Variants in NFKBIE observed in about 807,000 individuals in gnomAD.
The protein encoded by NFKBIE is NFKB inhibitor epsilon.
In NFKBIE, 11 loss-of-function variants were observed where a neutral mutation model predicts 31.6. That is an observed-to-expected ratio of 0.35 (90% CI 0.22 to 0.58). The LOEUF (loss-of-function observed/expected upper bound fraction) is 0.58. Among genes scored for constraint, NFKBIE ranks in the 20% least tolerant of loss-of-function variants. NFKBIE has a pLI of 0.83. For synonymous variants in NFKBIE, 208 were observed against 210.1 expected (o/e 0.99, Z 0.09); for missense variants, 354 against 465.7 (o/e 0.76, Z 2.21).
intron 5 of NFKBIE, 116 bp downstream of exon 5, chr6:44,259,927 G>T: frequency 7.0e-7 from 1 of 1,422,058 alleles, no homozygotes; most frequent in Non-Finnish European, 9.4e-7. Context: ...TTGGTCAGTG[G>T]CAGAGTCCTG....
At chr6:44,259,606 C>T (rs1781820854) in intron 5 of NFKBIE, among the ~76,000 whole-genome samples, 1 of 151,968 alleles carries the variant, frequency 6.6e-6, no homozygotes, top group Non-Finnish European at 1.5e-5. Flanking sequence ...GCTGGGTACT[C>T]GCAGAACATT....
At position 44,260,860 on chromosome 6, in the gene NFKBIE, GACAC is replaced by G. The variant is rs71547856; in HGVS notation, c.692-325_692-322del. ...ACACACACACACACACACACATACA[GACAC>G]ACACACACACACACACACACACACA... On this transcript the variant is annotated intron_variant, in intron 3 of 5. Coordinates refer to ENST00000619360, the MANE Select transcript of NFKBIE (RefSeq NM_004556.3). This position sits in a 1 kb window ranked among gnomAD's most constrained non-coding sequence, Gnocchi z 5.5. Among the ~76,000 whole-genome samples, 22,706 of 135,048 alleles carry G rather than the reference GACAC, an allele frequency of 0.17. 4,174 individuals are homozygous for G. Among genetic ancestry groups the G allele is most frequent in the African/African-American group, 0.46 (16,075 of 34,742 alleles). 88.6% of individuals were successfully genotyped at this position (135,048 alleles called of 152,430 possible). A position where few individuals can be genotyped will look rare whatever the true frequency, so the allele number is the denominator to read the frequency against.
Position 44,265,377 on chromosome 6 carries a change from C to T in NFKBIE, c.-31G>A. On this transcript the variant is annotated 5_prime_UTR_variant, in exon 1 of 6. Transcript: ENST00000619360. ...CGGCTCTGGCCGGCCGGGGCCCGGTCTGAGCAGGATCCGGCTCCAGGCTCC... is the reference window on the plus strand; with the variant it reads ...CGGCTCTGGCCGGCCGGGGCCCGGTTTGAGCAGGATCCGGCTCCAGGCTCC... 2 of 1,565,508 alleles carry T rather than the reference C, an allele frequency of 1.3e-6. No individual in the cohort carries two copies. Among genetic ancestry groups the T allele is most frequent in the Non-Finnish European group, 1.7e-6 (2 of 1,162,494 alleles).
rs768266876 is a variant in NFKBIE, at chr6:44,260,169, C to G, written c.894G>C (p.Gly298=). 1.2e-6 allele frequency: 2 copies of G among 1,614,070 alleles called. No homozygotes were observed. The highest frequency in any genetic ancestry group is 2.7e-5 in the African/African-American group (2 of 74,926). Residue 298 remains glycine, a synonymous_variant, in exon 5 of 6, where the codon GGG becomes GGC. Transcript: ENST00000619360. This position sits in a 1 kb window ranked among gnomAD's most constrained non-coding sequence, Gnocchi z 5.5. ...GAQVDARMLN[G]CTPLHLAAGR... ...CAGCTGCCAGGTGCAGGGGTGTGCACCCGTTCAGCATGCGGGCATCTACCT... is the reference window on the plus strand; with the variant it reads ...CAGCTGCCAGGTGCAGGGGTGTGCAGCCGTTCAGCATGCGGGCATCTACCT...
intron 1 of NFKBIE, 29 bp downstream of exon 1, chr6:44,264,953 T>A: frequency 1.3e-6 from 2 of 1,547,358 alleles, no homozygotes; most frequent in South Asian, 1.2e-5. Flanking sequence ...AGAGTTAGCA[T>A]CCCGATTCAG....
At position 44,260,866 on chromosome 6, in the gene NFKBIE, C is replaced by CACACACACAG. The variant is rs1583008613; in HGVS notation, c.692-328_692-327insCTGTGTGTGT. Among the ~76,000 whole-genome samples, 102 of 142,956 alleles carry CACACACACAG rather than the reference C, an allele frequency of 7.1e-4. No individual in the cohort carries two copies. The highest frequency in any genetic ancestry group is 3.9e-3 in the South Asian group (17 of 4,382). 93.8% of individuals were successfully genotyped at this position (142,956 alleles called of 152,430 possible). ...ACACACACACACACATACAGACACA[C>CACACACACAG]ACACACACACACACACACACACACA... is the stretch of plus-strand genomic sequence containing the variant. On this transcript the variant is annotated intron_variant, in intron 3 of 5. Coordinates refer to ENST00000619360, the MANE Select transcript of NFKBIE (RefSeq NM_004556.3). The surrounding 1 kb of genome is among the most constrained non-coding windows in gnomAD (Gnocchi z 5.5).
chr6:44,259,713 G>T (rs1781825025), intron 5 of NFKBIE, among the ~76,000 whole-genome samples: 1 of 152,116 alleles, frequency 6.6e-6, no homozygotes, highest in Non-Finnish European at 1.5e-5. Context: ...AGGAAAAACT[G>T]GGCCTACACT....
rs747505456 is a variant in NFKBIE, at chr6:44,261,897, C to A, written c.469-49G>T. On this transcript the variant is annotated intron_variant, in intron 2 of 5. Coordinates refer to ENST00000619360, the MANE Select transcript of NFKBIE (RefSeq NM_004556.3). This position sits in a 1 kb window ranked among gnomAD's most constrained non-coding sequence, Gnocchi z 4.3. ...TGGGGCCACTGCAGCATGCTCCCAC[C>A]TCTGGGAACATGCTTGGGCTCAAGA... 4 of 1,503,116 alleles carry A rather than the reference C, an allele frequency of 2.7e-6. No homozygotes were observed. The African/African-American group carries it at 5.5e-5, about 21-fold the overall frequency. 93.1% of individuals were successfully genotyped at this position (1,503,116 alleles called of 1,614,324 possible). A position where few individuals can be genotyped will look rare whatever the true frequency, so the allele number is the denominator to read the frequency against.
rs960327955 is a variant in NFKBIE, at chr6:44,263,876, A to G, written c.365+1106T>C. On this transcript the variant is annotated intron_variant, in intron 1 of 5. Transcript: ENST00000619360. The surrounding 1 kb of genome is among the most constrained non-coding windows in gnomAD (Gnocchi z 5.0). The stretch of plus-strand genomic sequence containing the variant: ...AGGCTAACAAAAGACGGCAATGTCA[A>G]AAGTCCCCTCTCCTTGGATCAAAGG... 6.6e-6 allele frequency among the ~76,000 whole-genome samples: 1 copy of G among 152,184 alleles called. No homozygotes were observed. The highest frequency in any genetic ancestry group is 2.1e-4 in the South Asian group (1 of 4,830).
intron 5 of NFKBIE, among the ~76,000 whole-genome samples, chr6:44,259,832 T>C (rs1017385278): frequency 3.5e-4 from 54 of 152,236 alleles, no homozygotes; most frequent in East Asian, 1.2e-3. Flanking sequence ...CCAACTTCAC[T>C]GATTCACTTT....
In NFKBIE at chr6:44,260,131, A is replaced by C; in HGVS notation, c.932T>G (p.Met311Arg). ...CTTGCACAGAGTGGATGAGATGCCC[A>C]TGAGACCCCGGCCAGCTGCCAGGTG... ...PLHLAAGRGLMGISSTLCKAG... is the reference protein window; with the variant it reads ...PLHLAAGRGLRGISSTLCKAG... Residue 311 changes from methionine to arginine, a missense_variant, in exon 5 of 6, where the codon ATG becomes AGG. This residue lies in a region of NFKBIE where 183 missense variants were observed against 310.6 expected (regional missense o/e 0.59). Coordinates refer to ENST00000619360, the MANE Select transcript of NFKBIE (RefSeq NM_004556.3). This position sits in a 1 kb window ranked among gnomAD's most constrained non-coding sequence, Gnocchi z 5.5. 6.2e-7 allele frequency: 1 copy of C among 1,614,240 alleles called. No homozygotes were observed. The highest frequency in any genetic ancestry group is 1.3e-5 in the African/African-American group (1 of 75,078).
At position 44,265,233 on chromosome 6, in the gene NFKBIE, G is replaced by A. The variant is rs1782080913; in HGVS notation, c.114C>T (p.Ser38=). ...GCTGGGGGCTGCCGTCCGAGGGCCCGGAGGCTGGAGCCGAGGTGGACTCGG... is the reference window on the plus strand; with the variant it reads ...GCTGGGGGCTGCCGTCCGAGGGCCCAGAGGCTGGAGCCGAGGTGGACTCGG... The part of the protein sequence containing the change: ...SLPESTSAPA[S]GPSDGSPQPC... The change falls in exon 1 of 6, where the codon TCC becomes TCT. Residue 38 remains serine (S), a synonymous_variant. Coordinates refer to ENST00000619360, the MANE Select transcript of NFKBIE (RefSeq NM_004556.3). 1.3e-6 allele frequency: 2 copies of A among 1,552,504 alleles called. No homozygotes were observed. Among genetic ancestry groups the A allele is most frequent in the Admixed American group, 3.9e-5 (2 of 51,156 alleles).
chr6:44,260,297 G>A lies in NFKBIE; in HGVS notation c.781-15C>T. ...CTGGTGCCCTCCTGGGGAGGAATAAGGATGTCAGCCAAGGCCCTCAGAGGC... is the reference window on the plus strand; with the variant it reads ...CTGGTGCCCTCCTGGGGAGGAATAAAGATGTCAGCCAAGGCCCTCAGAGGC... On this transcript the variant is annotated splice_polypyrimidine_tract_variant and intron_variant, in intron 4 of 5. Transcript: ENST00000619360. This position sits in a 1 kb window ranked among gnomAD's most constrained non-coding sequence, Gnocchi z 5.5. 6.2e-7 allele frequency: 1 copy of A among 1,606,950 alleles called. No individual in the cohort carries two copies. The highest frequency in any genetic ancestry group is 2.2e-5 in the East Asian group (1 of 44,650).
chr6:44,265,241 G>A lies in NFKBIE; in HGVS notation c.106C>T (p.Pro36Ser). 2.6e-6 allele frequency: 4 copies of A among 1,552,674 alleles called. No individual in the cohort carries two copies. Among genetic ancestry groups the A allele is most frequent in the Non-Finnish European group, 3.5e-6 (4 of 1,147,704 alleles). ...LRSLPESTSA[P>S]ASGPSDGSPQ... ...CTGCCGTCCGAGGGCCCGGAGGCTGGAGCCGAGGTGGACTCGGGTAGGGAG... is the reference window on the plus strand; with the variant it reads ...CTGCCGTCCGAGGGCCCGGAGGCTGAAGCCGAGGTGGACTCGGGTAGGGAG... The change falls in exon 1 of 6, where the codon CCA (proline) becomes TCA (serine). Residue 36 changes from proline to serine, a missense_variant. Physicochemically the swap from Pro to Ser is moderately conservative, Grantham distance 74. Around this residue, in one of 2 missense-constraint regions of NFKBIE, gnomAD observed 171 missense variants for 155.1 expected, o/e 1.10. Transcript: ENST00000619360.
Position 44,264,968 on chromosome 6 carries a change from G to GC in NFKBIE, c.365+13dup. The GC allele has an allele frequency of 6.4e-7, 1 of 1,555,992 alleles. No homozygotes were observed. ...AGAGTTAGCATCCCGATTCAGCCTA[G>GC]CCCCCATACTCACGTGTCTCCGTCC... On this transcript the variant is annotated intron_variant, in intron 1 of 5. Coordinates refer to ENST00000619360, the MANE Select transcript of NFKBIE (RefSeq NM_004556.3).
In NFKBIE at chr6:44,260,846, C is replaced by CAG. The variant is rs1561913559; in HGVS notation, c.692-308_692-307insCT. 1.1e-5 allele frequency among the ~76,000 whole-genome samples: 1 copy of CAG among 89,474 alleles called. No individual in the cohort carries two copies. The highest frequency in any genetic ancestry group is 2.3e-5 in the Non-Finnish European group (1 of 43,808). 58.7% of individuals were successfully genotyped at this position (89,474 alleles called of 152,430 possible). On this transcript the variant is annotated intron_variant, in intron 3 of 5. Coordinates refer to ENST00000619360, the MANE Select transcript of NFKBIE (RefSeq NM_004556.3). This position sits in a 1 kb window ranked among gnomAD's most constrained non-coding sequence, Gnocchi z 5.5. ...ACTACAACACACACACACACACACACACACACACATACAGACACACACACA... is the reference window on the plus strand; with the variant it reads ...ACTACAACACACACACACACACACACAGACACACACATACAGACACACACACA...
Position 44,260,864 on chromosome 6 carries a change from C to CACATACAG in NFKBIE, c.692-326_692-325insCTGTATGT, listed in dbSNP as rs1554142186. ...ACACACACACACACACATACAGACA[C>CACATACAG]ACACACACACACACACACACACACA... On this transcript the variant is annotated intron_variant, in intron 3 of 5. Coordinates refer to ENST00000619360, the MANE Select transcript of NFKBIE (RefSeq NM_004556.3). The surrounding 1 kb of genome is among the most constrained non-coding windows in gnomAD (Gnocchi z 5.5). 3.9e-3 allele frequency among the ~76,000 whole-genome samples: 416 copies of CACATACAG among 107,206 alleles called. 2 individuals are homozygous for CACATACAG. Among genetic ancestry groups the CACATACAG allele is most frequent in the Middle Eastern group, 0.01 (2 of 194 alleles). The allele number at this position is 107,206 out of a possible 152,430, so 70.3% of individuals were successfully genotyped here.
chr6:44,259,241 T>C lies in NFKBIE; in HGVS notation c.1064A>G (p.Lys355Arg), dbSNP rs762625998. The part of the protein sequence containing the change: ...LPFDDLKISG[K>R]LLLCTD ...GCTTCAGTCGGTACACAGCAGCAGT[T>C]TCCCTGAGATCTTCAGGTCATCAAA... Residue 355 changes from lysine (K) to arginine (R), a missense_variant, in exon 6 of 6, where the codon AAA becomes AGA. Lys to Arg is a conservative substitution (Grantham distance 26). Coordinates refer to ENST00000619360, the MANE Select transcript of NFKBIE (RefSeq NM_004556.3). 6.2e-7 allele frequency: 1 copy of C among 1,613,624 alleles called. No individual in the cohort carries two copies. Among genetic ancestry groups the C allele is most frequent in the South Asian group, 1.1e-5 (1 of 91,062 alleles).
rs1301770629 is a variant in NFKBIE at position 44,263,337 on chromosome 6, C to G, written c.366-675G>C. ...TGTTGAGGGGGCCAAGAACCTTAAT[C>G]TAGGGGTAATGGGGGCAGTTGGGAG... On this transcript the variant is annotated intron_variant, in intron 1 of 5. Coordinates refer to ENST00000619360, the MANE Select transcript of NFKBIE (RefSeq NM_004556.3). This position sits in a 1 kb window ranked among gnomAD's most constrained non-coding sequence, Gnocchi z 5.0. Among the ~76,000 whole-genome samples the G allele has an allele frequency of 1.3e-5, 2 of 151,774 alleles. No individual in the cohort carries two copies. The highest frequency in any genetic ancestry group is 2.9e-5 in the Non-Finnish European group (2 of 67,976).
Sources: gnomAD v4.1 joint callset for allele counts (sites outside exome capture counted in the v4.1 genomes callset) on GRCh38, gnomAD v4.1.1 for gene constraint, gnomAD v4.1.1 regional missense constraint, Gnocchi (gnomAD v3.1) non-coding constraint, MANE v1.5 for transcripts, NCBI Gene and HGNC (gene_info 2026-07-23, HGNC 2026-07-21) for gene names.